The following MECOM variants were observed in gnomAD, a reference collection of about 807,000 sequenced individuals.
MECOM encodes histone-lysine N-methyltransferase MECOM.
In MECOM, 13 loss-of-function variants were observed where a neutral mutation model predicts 116.3. The observed-to-expected ratio is 0.11, with a 90% confidence interval of 0.07 to 0.18. The LOEUF (loss-of-function observed/expected upper bound fraction) is 0.18, where lower values mean the gene tolerates loss of function less well. Ranked by LOEUF, MECOM falls within the 10% of genes least tolerant of loss-of-function variation. The pLI is 1.00. For synonymous variants in MECOM, 528 were observed against 535.2 expected, an observed-to-expected ratio of 0.99 and a Z score of 0.19; for missense variants, 1,299 against 1,509.0, an observed-to-expected ratio of 0.86 and a Z score of 2.31.
intron 1 of MECOM, among the ~76,000 whole-genome samples, chr3:169,402,238 T>G (rs1192164370): frequency 6.6e-6 from 1 of 152,174 alleles, no homozygotes; most frequent in Non-Finnish European, 1.5e-5. Context: ...TCCCAGGAAC[T>G]GGGACACATA....
intron 2 of MECOM, among the ~76,000 whole-genome samples, chr3:169,362,723 C>T (rs1437927287): frequency 1.3e-5 from 2 of 151,954 alleles, no homozygotes; most frequent in African/African-American, 4.8e-5. Context: ...ACACAAGAGT[C>T]ACAGTGCTTC....
chr3:169,211,613 G>A (rs1325898368), intron 2 of MECOM, among the ~76,000 whole-genome samples: 1 of 152,128 alleles, frequency 6.6e-6, no homozygotes, highest in Non-Finnish European at 1.5e-5. Flanking sequence ...TTCACAGACA[G>A]TTTCTACTCC....
At chr3:169,191,725 A>G (rs1747626897) in intron 2 of MECOM, among the ~76,000 whole-genome samples, 2 of 26,948 alleles carry the variant, frequency 7.4e-5, no homozygotes, top group Non-Finnish European at 2.7e-4. Context: ...AGAAAAAAAG[A>G]AAGAAAGAAA....
Position 169,327,229 on chromosome 3 carries a change from C to T in MECOM, c.375+53958G>A, listed in dbSNP as rs914270300. On this transcript the variant is annotated intron_variant, in intron 2 of 16. Transcript: ENST00000651503. ...TTGCATTTATGGTCATGTATATTAC[C>T]ATGAATTTATGGTAATGTACATATG... Among the ~76,000 whole-genome samples the T allele has an allele frequency of 1.5e-4, 23 of 152,098 alleles. 1 individual carries two copies. The South Asian group carries it at 2.1e-3, about 14-fold the overall frequency.
Position 169,107,959 on chromosome 3 carries a change from G to A in MECOM, c.2578-7C>T. On this transcript the variant is annotated splice_polypyrimidine_tract_variant and splice_region_variant and intron_variant, in intron 9 of 16. Transcript: ENST00000651503. ...TCTGATCAGGCAGTTGGAACTGGGA[G>A]CAAAATTGAAACAAAAACAAAAAAT... is the stretch of plus-strand genomic sequence containing the variant. 1 of 1,612,182 alleles carries A rather than the reference G, an allele frequency of 6.2e-7. No individual in the cohort carries two copies. Among genetic ancestry groups the A allele is most frequent in the Non-Finnish European group, 8.5e-7 (1 of 1,178,916 alleles).
At chr3:169,472,672 G>A (rs373720851) in intron 1 of MECOM, among the ~76,000 whole-genome samples, 11,586 of 72,762 alleles carry the variant, frequency 0.16, 2,157 homozygotes, top group Middle Eastern at 0.21. Flanking sequence ...GGAAAGGAAA[G>A]GAGAGGAGAG....
intron 1 of MECOM, among the ~76,000 whole-genome samples, chr3:169,644,140 T>C (rs1383155935): frequency 6.6e-6 from 1 of 152,180 alleles, no homozygotes. Flanking sequence ...TTAAAATACA[T>C]AGATTATCTC....
chr3:169,362,326 G>T (rs1042785067), intron 2 of MECOM, among the ~76,000 whole-genome samples: 6 of 151,896 alleles, frequency 4.0e-5, no homozygotes, highest in African/African-American at 1.4e-4. Flanking sequence ...AGAATTCGAA[G>T]ACTCATAGAG....
At chr3:169,275,459 C>T (rs1030610454) in intron 2 of MECOM, among the ~76,000 whole-genome samples, 2 of 152,162 alleles carry the variant, frequency 1.3e-5, no homozygotes, top group South Asian at 2.1e-4. Context: ...CTGCCTAGGG[C>T]GTTTAAAGTA....
rs1229196026 is a variant in MECOM at position 169,381,498 on chromosome 3, G to T, written c.64C>A (p.Pro22Thr). The change falls in exon 2 of 17, where the codon CCT becomes ACT. Residue 22 changes from proline to threonine, a missense_variant. Coordinates refer to ENST00000651503, the MANE Select transcript of MECOM (RefSeq NM_004991.4). ...GGCATTTCTTCCAAAGGTATTTCAG[G>T]GTAGTTGCCATATACACACTCATTA... The part of the protein sequence containing the change: ...TNNECVYGNY[P>T]EIPLEEMPDA... The T allele has an allele frequency of 6.2e-7, 1 of 1,610,914 alleles. No homozygotes were observed. Among genetic ancestry groups the T allele is most frequent in the Non-Finnish European group, 8.5e-7 (1 of 1,178,402 alleles).
At chr3:169,594,021 T>G (rs1347574382) in intron 1 of MECOM, among the ~76,000 whole-genome samples, 1 of 151,850 alleles carries the variant, frequency 6.6e-6, no homozygotes, top group Non-Finnish European at 1.5e-5. Flanking sequence ...CTCAGGAGGC[T>G]GAGGCAGGAG....
intron 2 of MECOM, among the ~76,000 whole-genome samples, chr3:169,175,282 T>G (rs1229912627): frequency 1.3e-5 from 2 of 152,114 alleles, no homozygotes; most frequent in African/African-American, 2.4e-5. Context: ...ATATAAAGTC[T>G]GAAATGCTCC....
At chr3:169,284,176 A>G (rs930748256) in intron 2 of MECOM, among the ~76,000 whole-genome samples, 1 of 152,184 alleles carries the variant, frequency 6.6e-6, no homozygotes, top group African/African-American at 2.4e-5. Flanking sequence ...TCCAAGAACC[A>G]TGCGATAAGG....
rs372785174 is a variant in MECOM, at chr3:169,112,771, A to T, written c.2577+16T>A. 3.0e-5 allele frequency: 48 copies of T among 1,598,780 alleles called. No homozygotes were observed. Among genetic ancestry groups the T allele is most frequent in the Non-Finnish European group, 3.7e-5 (43 of 1,169,450 alleles). ...GTTAGTTTACAAGCTGGAAATCTCA[A>T]ATCCAAAATACTTACTTGTGGGTGA... On this transcript the variant is annotated intron_variant, in intron 9 of 16. Coordinates refer to ENST00000651503, the MANE Select transcript of MECOM (RefSeq NM_004991.4).
At chr3:169,420,708 A>G (rs1392648847) in intron 1 of MECOM, among the ~76,000 whole-genome samples, 2 of 152,028 alleles carry the variant, frequency 1.3e-5, no homozygotes, top group East Asian at 3.9e-4. Context: ...TTTACTTTCA[A>G]TTTCTCTCAA....
chr3:169,463,130 C>T (rs1304441569), intron 1 of MECOM, among the ~76,000 whole-genome samples: 4 of 152,110 alleles, frequency 2.6e-5, no homozygotes, highest in African/African-American at 9.7e-5. Context: ...TACAAAATAA[C>T]ACACACATGT....
At chr3:169,132,342 G>A (rs1038667444) in intron 3 of MECOM, among the ~76,000 whole-genome samples, 2 of 152,192 alleles carry the variant, frequency 1.3e-5, no homozygotes, top group Non-Finnish European at 2.9e-5. Context: ...CCTTTCTCCT[G>A]AGCAGCTTGG....
At chr3:169,589,778 AATCT>A (rs1191280972) in intron 1 of MECOM, among the ~76,000 whole-genome samples, 1 of 152,128 alleles carries the variant, frequency 6.6e-6, no homozygotes, top group Non-Finnish European at 1.5e-5. Context: ...CACATAGAAA[AATCT>A]ATCTATCTGC....
At chr3:169,370,319 C>A (rs535843836) in intron 2 of MECOM, among the ~76,000 whole-genome samples, 5 of 151,784 alleles carry the variant, frequency 3.3e-5, no homozygotes, top group Non-Finnish European at 7.4e-5. Flanking sequence ...GAATATCTAA[C>A]GCCAAAAAAT....
Sources: allele counts gnomAD v4.1 joint callset (sites outside exome capture counted in the v4.1 genomes callset), GRCh38; gene constraint gnomAD v4.1.1; transcripts MANE v1.5; gene names NCBI Gene and HGNC (gene_info 2026-07-23, HGNC 2026-07-21).